Variants in CDAN1 observed in about 807,000 individuals in gnomAD.
CDAN1 encodes codanin 1.
In CDAN1, 107 loss-of-function variants were observed where a neutral mutation model predicts 139.8. The ratio of observed to expected loss-of-function variants is 0.77; its 90% CI spans 0.65 to 0.90. The LOEUF is 0.90. CDAN1 is among the 40% of genes least tolerant of loss of function. The pLI is 0.00. For missense variants in CDAN1, 1,667 were observed against 1,575.7 expected (o/e 1.06, Z -0.98); for synonymous variants, 776 against 660.6 (o/e 1.17, Z -2.68).
rs1192933551 is a variant in CDAN1 at position 42,729,378 on chromosome 15, C to G, written c.2408-16G>C. 1.2e-6 allele frequency: 2 copies of G among 1,613,964 alleles called. No individual in the cohort carries two copies. Among genetic ancestry groups the G allele is most frequent in the South Asian group, 2.2e-5 (2 of 91,084 alleles). ...CGGAGCTCTCCTGTATCAGTGAAGT[C>G]CAAGTTCTCAGTTCCAGAACCCTCT... On this transcript the variant is annotated splice_polypyrimidine_tract_variant and intron_variant, in intron 17 of 27. Coordinates refer to ENST00000356231, the MANE Select transcript of CDAN1 (RefSeq NM_138477.4).
rs762090329 is a variant in CDAN1 at position 42,729,025 on chromosome 15, G to A, written c.2643C>T (p.Ile881=). 4 of 1,613,848 alleles carry A rather than the reference G, an allele frequency of 2.5e-6. No individual in the cohort carries two copies. Among genetic ancestry groups the A allele is most frequent in the Non-Finnish European group, 3.4e-6 (4 of 1,179,728 alleles). Residue 881 remains isoleucine, a splice_region_variant and synonymous_variant, in exon 19 of 28, where the codon ATC becomes ATT. Transcript: ENST00000356231. The stretch of plus-strand genomic sequence containing the variant: ...CAGGATCCTTAACCCACTCTTACTT[G>A]ATATGTTTGACACAGTTTGATCCAA... ...ERIGSNCVKH[I]KATLVADLVR...
At position 42,730,545 on chromosome 15, in the gene CDAN1, C is replaced by A. The variant is rs745669189; in HGVS notation, c.2174+53G>T. The A allele has an allele frequency of 1.9e-6, 3 of 1,597,596 alleles. No individual in the cohort carries two copies. The South Asian group carries it at 3.3e-5, about 18-fold the overall frequency. On this transcript the variant is annotated intron_variant, in intron 14 of 27. Coordinates refer to ENST00000356231, the MANE Select transcript of CDAN1 (RefSeq NM_138477.4). ...CCTCTTTATTAATAGCAGGCTTGAC[C>A]AATGTCCCGAGTCCCGAATCCTTTC...
intron 10 of CDAN1, among the ~76,000 whole-genome samples, chr15:42,732,100 G>C (rs2061621016): frequency 6.6e-6 from 1 of 152,242 alleles, no homozygotes; most frequent in African/African-American, 2.4e-5. Context: ...GCACAAATCA[G>C]GGAAGGCAGC....
chr15:42,731,961 A>G (rs1273658458), intron 10 of CDAN1, 136 bp from the exon 11 acceptor site: 33 of 828,852 alleles, frequency 4.0e-5, no homozygotes, highest in Non-Finnish European at 6.4e-5. Flanking sequence ...ATTTTCTGAG[A>G]TGTGAATTAC....
rs907856374 is a variant in CDAN1, at chr15:42,733,270, C to T, written c.1368-84G>A. The T allele has an allele frequency of 2.5e-5, 28 of 1,139,794 alleles. No homozygotes were observed. In the East Asian group the frequency reaches 6.1e-4, roughly 25 times the overall value. 70.6% of individuals were successfully genotyped at this position (1,139,794 alleles called of 1,614,324 possible). ...CCCTGGAAGAACTATCCGTAGCCCA[C>T]CCACCACCTTTTTTTTTTTTGGAGA... On this transcript the variant is annotated intron_variant, in intron 8 of 27. Transcript: ENST00000356231.
intron 18 of CDAN1, 40 bp downstream of exon 18, chr15:42,729,189 C>T: frequency 1.2e-6 from 2 of 1,611,598 alleles, no homozygotes; most frequent in South Asian, 1.1e-5. Flanking sequence ...CCCCCAACCC[C>T]CCCTCATTTT....
intron 26 of CDAN1, 37 bp downstream of exon 26, chr15:42,725,450 AGT>A (rs1353912083): frequency 6.2e-7 from 1 of 1,612,028 alleles, no homozygotes; most frequent in East Asian, 2.2e-5. Flanking sequence ...GGATGTTCAG[AGT>A]GTGACTGCAG....
Position 42,730,784 on chromosome 15 carries a change from G to A in CDAN1, c.2008-20C>T. On this transcript the variant is annotated intron_variant, in intron 13 of 27. Transcript: ENST00000356231. ...AGGGACCTGGGAGGGCCAGAGCTCA[G>A]TCAGGGGGCAGGTCCCTAGGAAGGG... is the stretch of plus-strand genomic sequence containing the variant. 6.2e-7 allele frequency: 1 copy of A among 1,612,646 alleles called. No homozygotes were observed. Among genetic ancestry groups the A allele is most frequent in the East Asian group, 2.2e-5 (1 of 44,834 alleles).
intron 27 of CDAN1, 104 bp downstream of exon 27, chr15:42,725,040 G>C (rs566206533): frequency 2.1e-6 from 2 of 950,598 alleles, no homozygotes; most frequent in East Asian, 2.6e-5. Flanking sequence ...GAAGACTCTT[G>C]ACAAAAATCC....
At position 42,735,547 on chromosome 15, in the gene CDAN1, C is replaced by T. The variant is rs61745955; in HGVS notation, c.906G>A (p.Leu302=). Residue 302 remains leucine, a synonymous_variant, in exon 4 of 28, where the codon CTG becomes CTA. Coordinates refer to ENST00000356231, the MANE Select transcript of CDAN1 (RefSeq NM_138477.4). The part of the protein sequence containing the change: ...DPARVSSRQR[L]ELVALVYSSC... ...AGGAGTAAACAAGGGCTACAAGCTC[C>T]AGGCGCTGGCGGGAAGACACTCTGG... 9.0e-4 allele frequency: 1,445 copies of T among 1,614,216 alleles called. 14 individuals are homozygous for T. In the African/African-American group the frequency reaches 0.018, roughly 20 times the overall value.
Position 42,728,126 on chromosome 15 carries a change from C to G in CDAN1, c.2868+78G>C, listed in dbSNP as rs62020665. ...AGCACTGACCCCGCCCCCACACACC[C>G]TCCCGCAGCCTCAGACTACTCCGTG... On this transcript the variant is annotated intron_variant, in intron 21 of 27. Coordinates refer to ENST00000356231, the MANE Select transcript of CDAN1 (RefSeq NM_138477.4). The G allele has an allele frequency of 0.078, 124,160 of 1,587,158 alleles. 5,688 individuals carry two copies. The highest frequency in any genetic ancestry group is 0.092 in the Non-Finnish European group (106,715 of 1,157,972).
Position 42,724,189 on chromosome 15 carries a change from G to C in CDAN1, c.*302C>G, listed in dbSNP as rs2061493087. On this transcript the variant is annotated 3_prime_UTR_variant, in exon 28 of 28. Coordinates refer to ENST00000356231, the MANE Select transcript of CDAN1 (RefSeq NM_138477.4). ...GGATAGCAAATGAGGCTTGAATTCT[G>C]TGTTGACAAGCCCACACACCTCATT... The C allele has an allele frequency of 2.5e-6, 1 of 405,766 alleles. No individual in the cohort carries two copies. The highest frequency in any genetic ancestry group is 2.2e-5 in the South Asian group (1 of 46,064). The allele number at this position is 405,766 out of a possible 1,614,324, so 25.1% of individuals were successfully genotyped here.
chr15:42,729,408 T>G, intron 17 of CDAN1, 46 bp from the exon 18 acceptor site: 1 of 1,612,380 alleles, frequency 6.2e-7, no homozygotes, highest in Non-Finnish European at 8.5e-7. Context: ...CCCTCTCCCC[T>G]CCCTAAGTAT....
At chr15:42,735,730 G>A (rs753397451) in intron 3 of CDAN1, 51 bp from the exon 4 acceptor site, 2 of 1,600,428 alleles carry the variant, frequency 1.2e-6, no homozygotes, top group Non-Finnish European at 1.7e-6. Flanking sequence ...CCCTGCTACG[G>A]CCACACTCAG....
At chr15:42,725,752 G>A (rs1182535358) in intron 25 of CDAN1, 82 bp from the exon 26 acceptor site, 6 of 1,427,200 alleles carry the variant, frequency 4.2e-6, no homozygotes, top group African/African-American at 1.4e-5. Flanking sequence ...CAACACTTCG[G>A]GAGGCTGAGG....
intron 21 of CDAN1, 65 bp downstream of exon 21, chr15:42,728,139 A>T: frequency 6.3e-7 from 1 of 1,596,392 alleles, no homozygotes; most frequent in Non-Finnish European, 8.6e-7. Flanking sequence ...CCGCAGCCTC[A>T]GACTACTCCG....
rs752350512 is a variant in CDAN1 at position 42,736,736 on chromosome 15, C to A, written c.135G>T (p.Leu45=). Residue 45 remains leucine, a synonymous_variant, in exon 2 of 28, where the codon CTG becomes CTT. Coordinates refer to ENST00000356231, the MANE Select transcript of CDAN1 (RefSeq NM_138477.4). ...ACAGGAACGGTACGAATTCTTTCCG[C>A]AGGGCCCGGAGTGAGCTCAGCGCGG... ...EAAALSSLRA[L]RKEFVPFLLN... 1.3e-5 allele frequency: 20 copies of A among 1,559,630 alleles called. No homozygotes were observed. Among genetic ancestry groups the A allele is most frequent in the Non-Finnish European group, 1.6e-5 (19 of 1,157,142 alleles).
At chr15:42,732,799 AAGCAGTGACTTG>A (rs2061631542) in intron 9 of CDAN1, among the ~76,000 whole-genome samples, 1 of 130,118 alleles carries the variant, frequency 7.7e-6, no homozygotes. Flanking sequence ...GGATGTGTCT[AAGCAGTGACTTG>A]GGCCAAAAAA....
intron 14 of CDAN1, 129 bp from the exon 15 acceptor site, chr15:42,730,344 TCCC>T: frequency 1.0e-6 from 1 of 971,918 alleles, no homozygotes; most frequent in Non-Finnish European, 1.6e-6. Flanking sequence ...GCAAGCAGGA[TCCC>T]CCCAGCCCCG....
Sources: gnomAD v4.1 joint callset for allele counts (sites outside exome capture counted in the v4.1 genomes callset) on GRCh38, gnomAD v4.1.1 for gene constraint, MANE v1.5 for transcripts, NCBI Gene and HGNC (gene_info 2026-07-23, HGNC 2026-07-21) for gene names.